The following CYFIP1 variants were observed in gnomAD, a reference collection of about 807,000 sequenced individuals.
The protein encoded by CYFIP1 is cytoplasmic FMR1 interacting protein 1.
Under a neutral mutation model 163.5 loss-of-function variants are expected in CYFIP1, and 58 were observed. That is an observed-to-expected ratio of 0.35 (90% CI 0.29 to 0.44). The LOEUF (loss-of-function observed/expected upper bound fraction) is 0.44. Ranked by LOEUF, CYFIP1 falls within the 20% of genes least tolerant of loss-of-function variation. The pLI, the probability that CYFIP1 is intolerant of heterozygous loss-of-function variation, is 1.00. For missense variants in CYFIP1, 1,338 were observed against 1,653.8 expected (o/e 0.81, Z 3.31); for synonymous variants, 663 against 660.7 (o/e 1.00, Z -0.05).
chr15:22,910,418 TC>T (rs2060745177), intron 20 of CYFIP1, 101 bp downstream of exon 20: 1 of 920,692 alleles, frequency 1.1e-6, no homozygotes, highest in African/African-American at 1.6e-5. Flanking sequence ...CACCTTGGCC[TC>T]CCAGTGTTGG....
intron 1 of CYFIP1, among the ~76,000 whole-genome samples, chr15:22,950,740 G>A (rs1379627216): frequency 6.6e-6 from 1 of 152,168 alleles, no homozygotes; most frequent in Admixed American, 6.5e-5. Flanking sequence ...CTGTATGTGC[G>A]ACCCGCCTGT....
At chr15:22,929,390 C>A (rs1477059949) in intron 11 of CYFIP1, among the ~76,000 whole-genome samples, 3 of 151,776 alleles carry the variant, frequency 2.0e-5, no homozygotes, top group Non-Finnish European at 4.4e-5. Flanking sequence ...TCCCAAAACT[C>A]TGGGAGGCTG....
intron 13 of CYFIP1, 95 bp downstream of exon 13, chr15:22,925,887 A>T: frequency 6.5e-7 from 1 of 1,544,788 alleles, no homozygotes; most frequent in South Asian, 1.2e-5. Flanking sequence ...AGCAATGAGT[A>T]AACAGGCAGT....
chr15:22,867,586 A>ACAT lies in CYFIP1; in HGVS notation c.*2439_*2441dup, dbSNP rs1250718550. On this transcript the variant is annotated 3_prime_UTR_variant, in exon 31 of 31. Coordinates refer to ENST00000617928, the MANE Select transcript of CYFIP1 (RefSeq NM_014608.6). Reference sequence around the variant, plus strand: ...TGCCTGGAACCTTGATTACCGTTTTACATCAGCTCTTGTACTTTTCAGTAT... The same window carrying ACAT: ...TGCCTGGAACCTTGATTACCGTTTTACATCATCAGCTCTTGTACTTTTCAGTAT... 25 of 183,166 alleles carry ACAT rather than the reference A, an allele frequency of 1.4e-4. No individual in the cohort carries two copies. The highest frequency in any genetic ancestry group is 5.9e-4 in the South Asian group (3 of 5,112). 11.3% of individuals were successfully genotyped at this position (183,166 alleles called of 1,614,324 possible).
Position 22,875,202 on chromosome 15 carries a change from T to C in CYFIP1, c.3112A>G (p.Lys1038Glu). The C allele has an allele frequency of 6.2e-7, 1 of 1,613,954 alleles. No individual in the cohort carries two copies. The highest frequency in any genetic ancestry group is 2.2e-5 in the East Asian group (1 of 44,852). Residue 1038 changes from lysine to glutamate, a missense_variant, in exon 27 of 31, where the codon AAA becomes GAA. By Grantham distance (56) the Lys-to-Glu change is moderately conservative. Coordinates refer to ENST00000617928, the MANE Select transcript of CYFIP1 (RefSeq NM_014608.6). ...FQNILPRVHV[K>E]EGERLDAKMK... ...TGGTGGGGGTCAGCAGGCTCACCTT[T>C]CACATGGACTCGCGGCAAGATGTTC...
chr15:22,868,364 A>ATAT lies in CYFIP1; in HGVS notation c.*1663_*1664insATA, dbSNP rs1555392629. The ATAT allele has an allele frequency of 6.6e-6, 1 of 151,970 alleles. No homozygotes were observed. Among genetic ancestry groups the ATAT allele is most frequent in the Non-Finnish European group, 1.5e-5 (1 of 68,024 alleles). 9.4% of individuals were successfully genotyped at this position (151,970 alleles called of 1,614,324 possible). Reference sequence around the variant, plus strand: ...CATTTGAACATGCATAGGTTAATAAATAATAAATTCTTATTTAACATTTTG... The same window carrying ATAT: ...CATTTGAACATGCATAGGTTAATAAATATTAATAAATTCTTATTTAACATTTTG... On this transcript the variant is annotated 3_prime_UTR_variant, in exon 31 of 31. Coordinates refer to ENST00000617928, the MANE Select transcript of CYFIP1 (RefSeq NM_014608.6).
intron 1 of CYFIP1, among the ~76,000 whole-genome samples, chr15:22,971,532 C>T (rs372627666): frequency 6.6e-6 from 1 of 151,902 alleles, no homozygotes; most frequent in Non-Finnish European, 1.5e-5. Flanking sequence ...ATTAGCCAGG[C>T]GTGGTAGTGG....
At chr15:22,873,039 T>C in intron 29 of CYFIP1, 67 bp from the exon 30 acceptor site, 1 of 1,557,960 alleles carries the variant, frequency 6.4e-7, no homozygotes, top group Non-Finnish European at 8.8e-7. Flanking sequence ...TCTCAGTCTG[T>C]CTCCAGATGT....
intron 21 of CYFIP1, 123 bp from the exon 22 acceptor site, chr15:22,904,028 G>C: frequency 1.2e-6 from 1 of 850,466 alleles, no homozygotes; most frequent in Non-Finnish European, 1.9e-6. Flanking sequence ...GCAGCCCCCA[G>C]TGAGCGTAGG....
rs1480225790 is a variant in CYFIP1, at chr15:22,867,374, C to CA, written c.*2653_*2654insT. The CA allele has an allele frequency of 2.6e-6, 1 of 391,788 alleles. No homozygotes were observed. The highest frequency in any genetic ancestry group is 2.1e-5 in the African/African-American group (1 of 48,444). The allele number at this position is 391,788 out of a possible 1,614,324, so 24.3% of individuals were successfully genotyped here. A position where few individuals can be genotyped will look rare whatever the true frequency, so the allele number is the denominator to read the frequency against. ...AAAACTAAGTTACTGAATGAAGGAA[C>CA]CTCTTTCTTACAAAACAAAAAAAAG... On this transcript the variant is annotated 3_prime_UTR_variant, in exon 31 of 31. Coordinates refer to ENST00000617928, the MANE Select transcript of CYFIP1 (RefSeq NM_014608.6).
At chr15:22,925,600 T>C (rs1048323366) in intron 13 of CYFIP1, among the ~76,000 whole-genome samples, 12 of 152,220 alleles carry the variant, frequency 7.9e-5, no homozygotes, top group African/African-American at 2.4e-4. Flanking sequence ...AAGATACCAG[T>C]TGATGCTGGA....
At chr15:22,927,257 T>C (rs1345209611) in intron 12 of CYFIP1, among the ~76,000 whole-genome samples, 1 of 151,640 alleles carries the variant, frequency 6.6e-6, no homozygotes, top group Non-Finnish European at 1.5e-5. Flanking sequence ...AGGCGGGTAG[T>C]TCACCTGAGG....
intron 11 of CYFIP1, 121 bp downstream of exon 11, chr15:22,932,102 T>G (rs2061557114): frequency 1.5e-6 from 1 of 669,524 alleles, no homozygotes. Context: ...CCTGTCATTA[T>G]GTGACATATG....
intron 20 of CYFIP1, among the ~76,000 whole-genome samples, chr15:22,910,103 G>C (rs17137196): frequency 0.068 from 10,388 of 152,252 alleles, 513 homozygotes; most frequent in South Asian, 0.12. Flanking sequence ...GACGTTCACA[G>C]TCACAAGGCA....
intron 23 of CYFIP1, among the ~76,000 whole-genome samples, chr15:22,883,786 C>T (rs140816042): frequency 0.018 from 2,672 of 144,568 alleles, 84 homozygotes; most frequent in African/African-American, 0.066. Flanking sequence ...CACTGCACTC[C>T]AGCCCGGGTG....
At chr15:22,937,245 A>C in intron 8 of CYFIP1, 37 bp from the exon 9 acceptor site, 11 of 1,299,136 alleles carry the variant, frequency 8.5e-6, no homozygotes, top group South Asian at 1.2e-5. Flanking sequence ...GACAAAGCTC[A>C]GAACTGAGAA....
In CYFIP1 at chr15:22,916,598, G is replaced by A. The variant is rs1205457021; in HGVS notation, c.1707C>T (p.Leu569=). The change falls in exon 16 of 31, where the codon CTC becomes CTT. Residue 569 remains leucine, a synonymous_variant. Transcript: ENST00000617928. ...LYMVRTMLES[L]IADKSGSKKT... ...TCTTGGAACCACTTTTGTCTGCAATGAGGGACTCTAGCATGGTTCTCACCA... is the reference window on the plus strand; with the variant it reads ...TCTTGGAACCACTTTTGTCTGCAATAAGGGACTCTAGCATGGTTCTCACCA... 2.5e-6 allele frequency: 4 copies of A among 1,614,080 alleles called. No homozygotes were observed. The highest frequency in any genetic ancestry group is 1.7e-5 in the Admixed American group (1 of 60,020).
chr15:22,911,383 CGAG>C (rs1377452504), intron 18 of CYFIP1, among the ~76,000 whole-genome samples: 1 of 152,160 alleles, frequency 6.6e-6, no homozygotes, highest in African/African-American at 2.4e-5. Context: ...GCAGTGACCA[CGAG>C]GAGCTACTGT....
At chr15:22,871,553 C>T (rs2059433964) in intron 30 of CYFIP1, among the ~76,000 whole-genome samples, 1 of 152,176 alleles carries the variant, frequency 6.6e-6, no homozygotes, top group African/African-American at 2.4e-5. Flanking sequence ...TGACCTGGAG[C>T]CTGTGACTGC....
Sources: allele counts gnomAD v4.1 joint callset (sites outside exome capture counted in the v4.1 genomes callset), GRCh38; gene constraint gnomAD v4.1.1; transcripts MANE v1.5; gene names NCBI Gene and HGNC (gene_info 2026-07-23, HGNC 2026-07-21).